The following SGK3 variants were observed in gnomAD, a reference collection of about 807,000 sequenced individuals.
SGK3 encodes serine/threonine-protein kinase Sgk3.
A neutral mutation model predicts 68.5 loss-of-function variants in SGK3; 47 were observed. The observed-to-expected ratio is 0.69, with a 90% CI of 0.54 to 0.87. The LOEUF is 0.87. Among genes scored for constraint, SGK3 ranks in the 40% least tolerant of loss-of-function variants. The probability of loss-of-function intolerance (pLI) is 0.00; values close to 1 mark genes in which losing one functional copy is unlikely to be tolerated. For synonymous variants in SGK3, 181 were observed against 189.1 expected (o/e 0.96, Z 0.35); for missense variants, 479 against 575.5 (o/e 0.83, Z 1.72).
At chr8:66,828,308 A>G (rs1809150655) in intron 6 of SGK3, among the ~76,000 whole-genome samples, 1 of 152,208 alleles carries the variant, frequency 6.6e-6, no homozygotes, top group Admixed American at 6.5e-5. Flanking sequence ...ATTTTTAACC[A>G]GTTTTTTAGA....
intron 3 of SGK3, 99 bp downstream of exon 3, chr8:66,798,724 TTAA>T: frequency 9.9e-7 from 1 of 1,008,670 alleles, no homozygotes; most frequent in Non-Finnish European, 1.4e-6. Flanking sequence ...TACTCATATG[TTAA>T]TATGTCAGAC....
At chr8:66,816,358 GT>G (rs1808583451) in intron 5 of SGK3, among the ~76,000 whole-genome samples, 1 of 32,348 alleles carries the variant, frequency 3.1e-5, no homozygotes, top group Non-Finnish European at 6.4e-5. Context: ...TTTTTTTTTT[GT>G]GTGTGAGACG....
intron 1 of SGK3, among the ~76,000 whole-genome samples, chr8:66,738,286 T>G (rs1471129104): frequency 6.6e-6 from 1 of 152,220 alleles, no homozygotes; most frequent in Non-Finnish European, 1.5e-5. Flanking sequence ...CTCATGATGT[T>G]CTGCTTCTTT....
intron 1 of SGK3, among the ~76,000 whole-genome samples, chr8:66,756,569 CTTTTTTTTTTTTTTT>C (rs34499404): frequency 9.0e-5 from 7 of 77,914 alleles, no homozygotes; most frequent in African/African-American, 4.9e-5. Context: ...CATGCATCTA[CTTTTTTTTTTTTTTT>C]TTTTTTTTTT....
chr8:66,772,058 A>G (rs769428222), intron 1 of SGK3, among the ~76,000 whole-genome samples: 2 of 143,482 alleles, frequency 1.4e-5, no homozygotes, highest in Non-Finnish European at 3.0e-5. Flanking sequence ...TTATGGATGA[A>G]TCTATAATTT....
Position 66,769,753 on chromosome 8 carries a change from G to A in SGK3, c.-121-23863G>A, listed in dbSNP as rs564785034. Reference sequence around the variant, plus strand: ...TTGTTATTATTATTATTATTATTTTGTAGAGATGGGGTCTCCCTATGTTGC... The same window carrying A: ...TTGTTATTATTATTATTATTATTTTATAGAGATGGGGTCTCCCTATGTTGC... On this transcript the variant is annotated intron_variant, in intron 1 of 16. Coordinates refer to ENST00000521198, the MANE Select transcript of SGK3 (RefSeq NM_001033578.3). 7.8e-4 allele frequency among the ~76,000 whole-genome samples: 118 copies of A among 151,532 alleles called. No individual in the cohort carries two copies. The South Asian group carries it at 0.024, about 31-fold the overall frequency.
At chr8:66,775,990 G>A (rs1806693504) in intron 1 of SGK3, among the ~76,000 whole-genome samples, 1 of 152,204 alleles carries the variant, frequency 6.6e-6, no homozygotes. Context: ...GATTAAATGA[G>A]TTAATACCTG....
intron 1 of SGK3, among the ~76,000 whole-genome samples, chr8:66,750,695 AAAAG>A (rs1402397633): frequency 5.9e-5 from 9 of 151,438 alleles, no homozygotes; most frequent in Middle Eastern, 3.4e-3. Context: ...TCTCAAAAAA[AAAAG>A]AAAGAAAGAA....
At chr8:66,742,934 A>C (rs1805525065) in intron 1 of SGK3, among the ~76,000 whole-genome samples, 1 of 152,040 alleles carries the variant, frequency 6.6e-6, no homozygotes, top group Admixed American at 6.5e-5. Context: ...TTTAGCGCAC[A>C]CTTTGTTTTC....
chr8:66,749,361 A>G (rs1055094405), intron 1 of SGK3, among the ~76,000 whole-genome samples: 6 of 152,224 alleles, frequency 3.9e-5, no homozygotes, highest in East Asian at 1.9e-4. Context: ...ACTACACTCC[A>G]GTCTGAGCTA....
chr8:66,826,924 C>T (rs955029176), intron 6 of SGK3, among the ~76,000 whole-genome samples: 2 of 151,964 alleles, frequency 1.3e-5, no homozygotes, highest in East Asian at 2.0e-4. Context: ...GGATTACAGC[C>T]GTGAGCCACC....
intron 1 of SGK3, chr8:66,737,253 T>A (rs923017053): frequency 6.6e-6 from 1 of 152,138 alleles, no homozygotes; most frequent in Non-Finnish European, 1.5e-5. Context: ...GTGTGGTGGT[T>A]TATGCCTATA....
chr8:66,832,977 T>C (rs1052103834), intron 8 of SGK3, among the ~76,000 whole-genome samples: 11 of 152,144 alleles, frequency 7.2e-5, no homozygotes, highest in Admixed American at 7.2e-4. Context: ...ATTCACTATT[T>C]ACACCTTCAC....
chr8:66,816,698 G>A (rs778700734), intron 5 of SGK3, among the ~76,000 whole-genome samples: 4 of 151,940 alleles, frequency 2.6e-5, no homozygotes, highest in Admixed American at 6.6e-5. Flanking sequence ...TAATTTTCAC[G>A]CTCTTCATTT....
At chr8:66,790,908 C>T (rs1807424761) in intron 1 of SGK3, 1 of 152,190 alleles carries the variant, frequency 6.6e-6, no homozygotes, top group Non-Finnish European at 1.5e-5. Flanking sequence ...TTGTCAAATA[C>T]ACATTCCATT....
intron 1 of SGK3, among the ~76,000 whole-genome samples, chr8:66,782,606 C>T (rs556717231): frequency 6.6e-6 from 1 of 152,268 alleles, no homozygotes; most frequent in South Asian, 2.1e-4. Flanking sequence ...ATTTTCACTG[C>T]CTTAAAAATC....
chr8:66,835,247 T>C (rs1464449298), intron 8 of SGK3, among the ~76,000 whole-genome samples: 1 of 152,192 alleles, frequency 6.6e-6, no homozygotes, highest in Non-Finnish European at 1.5e-5. Flanking sequence ...CAAGATACTC[T>C]AGATTTCTTC....
At chr8:66,771,560 T>G (rs1233438201) in intron 1 of SGK3, among the ~76,000 whole-genome samples, 1 of 152,220 alleles carries the variant, frequency 6.6e-6, no homozygotes. Flanking sequence ...ATTCAAGGGT[T>G]TATTTCTAGA....
intron 16 of SGK3, among the ~76,000 whole-genome samples, chr8:66,858,298 C>T (rs968721999): frequency 5.3e-5 from 8 of 151,808 alleles, no homozygotes; most frequent in African/African-American, 1.9e-4. Context: ...AACCCCGTCT[C>T]TACTAAAAAT....
Sources: allele counts gnomAD v4.1 joint callset (sites outside exome capture counted in the v4.1 genomes callset), GRCh38; gene constraint gnomAD v4.1.1; transcripts MANE v1.5; gene names NCBI Gene and HGNC (gene_info 2026-07-23, HGNC 2026-07-21).